The following DNAJB1 variants were observed in gnomAD, a reference collection of about 807,000 sequenced individuals.
DNAJB1 encodes the protein DnaJ heat shock protein family (Hsp40) member B1, also known as dnaJ homolog subfamily B member 1.
A neutral mutation model predicts 24.0 loss-of-function variants in DNAJB1; 14 were observed. The ratio of observed to expected loss-of-function variants is 0.58; its 90% CI spans 0.39 to 0.91. DNAJB1 has a LOEUF of 0.91. Among genes scored for constraint, DNAJB1 ranks in the 40% least tolerant of loss-of-function variants. The pLI, the probability that DNAJB1 is intolerant of heterozygous loss-of-function variation, is 0.00. For synonymous variants in DNAJB1, 262 were observed against 174.4 expected (o/e 1.50, Z -3.96); for missense variants, 517 against 458.1 (o/e 1.13, Z -1.17).
At chr19:14,523,899 C>T (rs1362604353) in intron 2 of DNAJB1, among the ~76,000 whole-genome samples, 1 of 152,202 alleles carries the variant, frequency 6.6e-6, no homozygotes, top group Non-Finnish European at 1.5e-5. Flanking sequence ...GTTGGGATTA[C>T]AGGCATAAGC....
At chr19:14,538,158 C>T (rs950701684) in intron 1 of DNAJB1, among the ~76,000 whole-genome samples, 4 of 152,164 alleles carry the variant, frequency 2.6e-5, no homozygotes, top group Non-Finnish European at 5.9e-5. Context: ...GAAAGTGAAG[C>T]GACTTGTCCA....
At chr19:14,548,130 T>C (rs2073367926) in intron 1 of DNAJB1, among the ~76,000 whole-genome samples, 1 of 151,442 alleles carries the variant, frequency 6.6e-6, no homozygotes, top group Non-Finnish European at 1.5e-5. Context: ...GCCCAGCTAA[T>C]TTTTTGTATT....
At chr19:14,534,078 A>G (rs1308671122), upstream of DNAJB1, 1 of 151,744 alleles carries the variant, frequency 6.6e-6, no homozygotes, top group Non-Finnish European at 1.5e-5. Context: ...CTGAATACCC[A>G]GAAGCGAGCC....
At position 14,515,675 on chromosome 19, in the gene DNAJB1, TCCCGGGAGGGCTGCCAGAC is replaced by T; in HGVS notation, c.*246_*264del. 1 of 431,620 alleles carries T rather than the reference TCCCGGGAGGGCTGCCAGAC, an allele frequency of 2.3e-6. No individual in the cohort carries two copies. The highest frequency in any genetic ancestry group is 4.1e-6 in the Non-Finnish European group (1 of 242,084). The allele number at this position is 431,620 out of a possible 1,614,324, so 26.7% of individuals were successfully genotyped here. A position where few individuals can be genotyped will look rare whatever the true frequency, so the allele number is the denominator to read the frequency against. ...GGGACTGGAGGTGGATGTGGGCCCA[TCCCGGGAGGGCTGCCAGAC>T]CCAGTGGGGCAGACTGGAATGCCTT... is the stretch of plus-strand genomic sequence containing the variant. On this transcript the variant is annotated 3_prime_UTR_variant, in exon 3 of 3. Transcript: ENST00000254322.
At position 14,541,373 on chromosome 19, in the gene DNAJB1, G is replaced by A. The variant is rs141939970; in HGVS notation, c.-214+8835C>T. On this transcript the variant is annotated intron_variant, in intron 1 of 3. Transcript: ENST00000676982. ...ATCATCTCAACCCTCCTGGCACAGC[G>A]GCCCTTCTGAGATGGAAGCTGCCGA... is the stretch of plus-strand genomic sequence containing the variant. 1.4e-4 allele frequency among the ~76,000 whole-genome samples: 22 copies of A among 152,124 alleles called. No individual in the cohort carries two copies. In the East Asian group the frequency reaches 4.0e-3, roughly 28 times the overall value.
intron 1 of DNAJB1, among the ~76,000 whole-genome samples, chr19:14,555,978 C>T (rs2073707645): frequency 6.6e-6 from 1 of 152,176 alleles, no homozygotes; most frequent in Non-Finnish European, 1.5e-5. Flanking sequence ...GCAGGTAAAG[C>T]TGGGGAAGCC....
At chr19:14,540,365 G>T (rs1213937565) in intron 1 of DNAJB1, among the ~76,000 whole-genome samples, 1 of 151,920 alleles carries the variant, frequency 6.6e-6, no homozygotes, top group Non-Finnish European at 1.5e-5. Flanking sequence ...ACTGTGCCTG[G>T]CTAATTTTTG....
upstream of DNAJB1, chr19:14,530,049 C>T (rs1342617630): frequency 9.0e-6 from 4 of 443,958 alleles, no homozygotes; most frequent in Non-Finnish European, 1.7e-5. Flanking sequence ...ACCCTTGCTC[C>T]CAATCCGAGG....
intron 1 of DNAJB1, among the ~76,000 whole-genome samples, chr19:14,557,114 C>CTTATTCATTTATTTAT (rs2073754104): frequency 7.1e-6 from 1 of 140,384 alleles, no homozygotes; most frequent in African/African-American, 2.7e-5. Flanking sequence ...TTGGTCTAAT[C>CTTATTCATTTATTTAT]TTATTTATTT....
At chr19:14,541,461 G>GT (rs1208133289) in intron 1 of DNAJB1, among the ~76,000 whole-genome samples, 1 of 152,188 alleles carries the variant, frequency 6.6e-6, no homozygotes, top group African/African-American at 2.4e-5. Context: ...GCCTTTTCCC[G>GT]TCATAGGACC....
chr19:14,516,042 T>C lies in DNAJB1; in HGVS notation c.921A>G (p.Thr307=), dbSNP rs1599378532. The C allele has an allele frequency of 6.2e-7, 1 of 1,612,700 alleles. No individual in the cohort carries two copies. Among genetic ancestry groups the C allele is most frequent in the Non-Finnish European group, 8.5e-7 (1 of 1,179,600 alleles). Residue 307 remains threonine, a synonymous_variant, in exon 3 of 3, where the codon ACA becomes ACG. Transcript: ENST00000254322. ...VPGEGLPLPK[T]PEKRGDLIIE... The stretch of plus-strand genomic sequence containing the variant: ...TAATGAGGTCCCCACGTTTCTCGGG[T>C]GTTTTGGGGAGGGGGAGGCCTTCTC...
intron 1 of DNAJB1, among the ~76,000 whole-genome samples, chr19:14,559,219 A>C (rs1322434910): frequency 1.3e-5 from 2 of 152,166 alleles, no homozygotes; most frequent in Non-Finnish European, 2.9e-5. Flanking sequence ...TAACCATTTA[A>C]AAGTGAACAG....
chr19:14,545,149 G>A (rs1246375126), intron 1 of DNAJB1: 2 of 456,722 alleles, frequency 4.4e-6, no homozygotes, highest in Non-Finnish European at 8.8e-6. Context: ...AAAGCAGCCT[G>A]TGGCATTCCA....
intron 1 of DNAJB1, among the ~76,000 whole-genome samples, chr19:14,555,501 A>G (rs1219653974): frequency 7.6e-6 from 1 of 130,940 alleles, no homozygotes; most frequent in African/African-American, 3.0e-5. Context: ...GCTGGAGTGC[A>G]GTGGTGCAAT....
At chr19:14,560,341 C>T (rs1425034671), upstream of DNAJB1, among the ~76,000 whole-genome samples, 2 of 152,188 alleles carry the variant, frequency 1.3e-5, no homozygotes, top group South Asian at 2.1e-4. Context: ...TCCCTGTGGA[C>T]GCTAGGCTGC....
chr19:14,517,193 C>G, intron 1 of DNAJB1, 147 bp from the exon 2 acceptor site: 2 of 730,542 alleles, frequency 2.7e-6, no homozygotes, highest in Non-Finnish European at 2.2e-6. Flanking sequence ...AAGTTTCTAC[C>G]TCTCACTGCC....
exon 1 of DNAJB1, among the ~76,000 whole-genome samples, chr19:14,560,118 G>A (rs2073859794): frequency 6.6e-6 from 1 of 152,250 alleles, no homozygotes; most frequent in East Asian, 1.9e-4. Context: ...CCCCTCTCTC[G>A]CTACCCCCTC....
chr19:14,545,843 TC>T (rs2073288965), intron 1 of DNAJB1: 1 of 152,802 alleles, frequency 6.5e-6, no homozygotes, highest in Non-Finnish European at 1.5e-5. Context: ...CCTGGCTTCT[TC>T]CTGCTGTCCC....
In DNAJB1 at chr19:14,556,420, A is replaced by G. The variant is rs537272560; in HGVS notation, c.-2165-2102T>C. Among the ~76,000 whole-genome samples, 5 of 151,874 alleles carry G rather than the reference A, an allele frequency of 3.3e-5. No individual in the cohort carries two copies. The South Asian group carries it at 1.0e-3, about 32-fold the overall frequency. ...AGCGAGACTCTCTCAAAAAAAAAAC[A>G]AAAACAAAAAAAACCACATTGTGAC... On this transcript the variant is annotated intron_variant, in intron 1 of 5. Transcript: ENST00000679223.
Sources: allele counts gnomAD v4.1 joint callset (sites outside exome capture counted in the v4.1 genomes callset), GRCh38; gene constraint gnomAD v4.1.1; transcripts MANE v1.5; gene names NCBI Gene and HGNC (gene_info 2026-07-23, HGNC 2026-07-21).